Variants in MMP17 observed in about 807,000 individuals in gnomAD.
MMP17 encodes matrix metalloproteinase-17.
In MMP17, 54 loss-of-function variants were observed where a neutral mutation model predicts 49.1. The observed-to-expected ratio is 1.10, with a 90% CI of 0.88 to 1.38. MMP17 has a LOEUF of 1.38. Among genes scored for constraint, MMP17 ranks in the 40% most tolerant of loss-of-function variants. MMP17 has a pLI of 0.00. For missense variants in MMP17, 837 were observed against 853.7 expected (o/e 0.98, Z 0.24); for synonymous variants, 397 against 383.1 (o/e 1.04, Z -0.42).
rs1887715553 is a variant in MMP17, at chr12:131,846,609, AG to A, written c.1204+1162del. 6.6e-6 allele frequency among the ~76,000 whole-genome samples: 1 copy of A among 152,052 alleles called. No individual in the cohort carries two copies. Among genetic ancestry groups the A allele is most frequent in the Non-Finnish European group, 1.5e-5 (1 of 68,014 alleles). Reference sequence around the variant, plus strand: ...AGGCTGGTCTCGAACTCCTGACTTCAGGTGATCCACCCGCCTTGGTGTCCCA... The same window carrying A: ...AGGCTGGTCTCGAACTCCTGACTTCAGTGATCCACCCGCCTTGGTGTCCCA... On this transcript the variant is annotated intron_variant, in intron 8 of 9. Transcript: ENST00000360564. This position sits in a 1 kb window ranked among gnomAD's most constrained non-coding sequence, Gnocchi z 4.6.
rs780582086 is a variant in MMP17, at chr12:131,840,712, G to A, written c.562G>A (p.Asp188Asn). The change falls in exon 4 of 10, where the codon GAC (aspartate) becomes AAC (asparagine). Residue 188 changes from aspartate to asparagine, a missense_variant. Physicochemically the swap from Asp to Asn is conservative, Grantham distance 23. Coordinates refer to ENST00000360564, the MANE Select transcript of MMP17 (RefSeq NM_016155.7). ...GGGCAGCGCCGCCGACATCCAGATC[G>A]ACTTCTCCAAGGCCGACCATAACGA... ...VAGSAADIQI[D>N]FSKADHNDGY... The A allele has an allele frequency of 5.0e-6, 8 of 1,605,178 alleles. No homozygotes were observed. In the East Asian group the frequency reaches 1.1e-4, roughly 22 times the overall value.
At chr12:131,828,929 G>A (rs1347422998) in intron 1 of MMP17, among the ~76,000 whole-genome samples, 2 of 152,212 alleles carry the variant, frequency 1.3e-5, no homozygotes, top group East Asian at 1.9e-4. Context: ...GGAGTTGTGA[G>A]GGGGTCGCCC....
chr12:131,843,910 C>T, intron 5 of MMP17, 87 bp from the exon 6 acceptor site: 1 of 1,002,154 alleles, frequency 1.0e-6, no homozygotes, highest in East Asian at 2.7e-5. Context: ...GCCTCGGTTT[C>T]ATCCCTGGGA....
At chr12:131,842,203 G>A (rs1407342290) in intron 5 of MMP17, among the ~76,000 whole-genome samples, 1 of 152,208 alleles carries the variant, frequency 6.6e-6, no homozygotes, top group South Asian at 2.1e-4. Flanking sequence ...GCCAAGTCAG[G>A]CACCAGGGAC....
intron 6 of MMP17, 178 bp from the exon 7 acceptor site, chr12:131,844,940 G>GTATCATTAAAC: frequency 2.1e-6 from 1 of 478,744 alleles, no homozygotes; most frequent in Non-Finnish European, 3.6e-6. Flanking sequence ...CCCGCCCGCT[G>GTATCATTAAAC]AAGCGGTGGA....
In MMP17 at chr12:131,840,590, G is replaced by A. The variant is rs140002868; in HGVS notation, c.440G>A (p.Arg147Gln). Residue 147 changes from arginine (R) to glutamine (Q), a missense_variant, in exon 4 of 10, where the codon CGG becomes CAG. Transcript: ENST00000360564. ...NLSWRVRTFP[R>Q]DSPLGHDTVR... ...GCCTGCAGGGTCCGGACGTTCCCAC[G>A]GGACTCACCACTGGGGCACGACACG... The A allele has an allele frequency of 1.8e-3, 2,891 of 1,594,606 alleles. 4 individuals are homozygous for A. The highest frequency in any genetic ancestry group is 3.1e-3 in the Admixed American group (185 of 59,676).
At chr12:131,841,470 G>A (rs1426742899) in intron 4 of MMP17, among the ~76,000 whole-genome samples, 154 bp from the exon 5 acceptor site, 4 of 152,130 alleles carry the variant, frequency 2.6e-5, no homozygotes, top group Non-Finnish European at 4.4e-5. Context: ...GGGGAATCGC[G>A]TTAATTCCCA....
intron 6 of MMP17, 24 bp from the exon 7 acceptor site, chr12:131,845,094 G>C: frequency 6.3e-7 from 1 of 1,596,802 alleles, no homozygotes; most frequent in Non-Finnish European, 8.5e-7. Flanking sequence ...CCGCCTCCCA[G>C]CCCACCTGGC....
At chr12:131,847,213 C>G (rs540557149) in intron 8 of MMP17, among the ~76,000 whole-genome samples, 1 of 151,818 alleles carries the variant, frequency 6.6e-6, no homozygotes, top group Admixed American at 6.6e-5. Flanking sequence ...GAAATCGAGA[C>G]CATCCTGGTT....
At chr12:131,832,712 G>A (rs1236563308) in intron 1 of MMP17, among the ~76,000 whole-genome samples, 1 of 152,086 alleles carries the variant, frequency 6.6e-6, no homozygotes, top group Non-Finnish European at 1.5e-5. Context: ...GACGGGGTGT[G>A]GAGCCTGGCT....
At chr12:131,831,471 A>G (rs1282807500) in intron 1 of MMP17, among the ~76,000 whole-genome samples, 1 of 152,020 alleles carries the variant, frequency 6.6e-6, no homozygotes, top group Non-Finnish European at 1.5e-5. Context: ...CCTGGCCCTC[A>G]GGACCTTGTC....
chr12:131,831,274 C>T (rs1293116429), intron 1 of MMP17, among the ~76,000 whole-genome samples: 1 of 152,150 alleles, frequency 6.6e-6, no homozygotes, highest in Non-Finnish European at 1.5e-5. Flanking sequence ...TTTCTCCTCT[C>T]GGCAGCACAG....
chr12:131,845,573 C>A, intron 8 of MMP17, 124 bp downstream of exon 8: 1 of 1,300,886 alleles, frequency 7.7e-7, no homozygotes, highest in Non-Finnish European at 1.0e-6. Flanking sequence ...GAGCACAGAG[C>A]AGCTGGTTTG....
chr12:131,828,457 G>T lies in MMP17; in HGVS notation c.-38G>T. ...CTGCGGAACGCGAAGCGGAGGGCGCGGGACCCTGCACGCCGCCCGCGGGCC... is the reference window on the plus strand; with the variant it reads ...CTGCGGAACGCGAAGCGGAGGGCGCTGGACCCTGCACGCCGCCCGCGGGCC... On this transcript the variant is annotated 5_prime_UTR_variant, in exon 1 of 10. Coordinates refer to ENST00000360564, the MANE Select transcript of MMP17 (RefSeq NM_016155.7). The T allele has an allele frequency of 1.0e-6, 1 of 986,380 alleles. No homozygotes were observed. The highest frequency in any genetic ancestry group is 4.6e-5 in the South Asian group (1 of 21,732). The allele number at this position is 986,380 out of a possible 1,614,324, so 61.1% of individuals were successfully genotyped here.
chr12:131,851,612 A>C lies in MMP17; in HGVS notation c.*338A>C, dbSNP rs912764661. The stretch of plus-strand genomic sequence containing the variant: ...ACCCCTCTCTGTGCCGGCGCCACCA[A>C]CCCCACCCACACTGCTGCCTGGTGC... On this transcript the variant is annotated 3_prime_UTR_variant, in exon 10 of 10. Transcript: ENST00000360564. 3.7e-6 allele frequency: 1 copy of C among 268,200 alleles called. No homozygotes were observed. Among genetic ancestry groups the C allele is most frequent in the Non-Finnish European group, 7.0e-6 (1 of 142,190 alleles). The allele number at this position is 268,200 out of a possible 1,614,324, so 16.6% of individuals were successfully genotyped here.
At chr12:131,837,798 C>T (rs1887155552) in intron 1 of MMP17, among the ~76,000 whole-genome samples, 1 of 152,202 alleles carries the variant, frequency 6.6e-6, no homozygotes, top group African/African-American at 2.4e-5. Context: ...GCAAGCTCCG[C>T]CTCCTGGGTT....
Position 131,828,429 on chromosome 12 carries a change from G to T in MMP17, c.-66G>T. On this transcript the variant is annotated 5_prime_UTR_variant, in exon 1 of 10. Transcript: ENST00000360564. ...GGCGCCGCGGAGAGCGGAGGGCGCC[G>T]GGCTGCGGAACGCGAAGCGGAGGGC... The T allele has an allele frequency of 2.2e-6, 2 of 916,184 alleles. No individual in the cohort carries two copies. Among genetic ancestry groups the T allele is most frequent in the South Asian group, 5.0e-5 (1 of 20,088 alleles). The allele number at this position is 916,184 out of a possible 1,614,324, so 56.8% of individuals were successfully genotyped here.
At position 131,841,663 on chromosome 12, in the gene MMP17, A is replaced by G; in HGVS notation, c.746A>G (p.Glu249Gly). Residue 249 changes from glutamate (E) to glycine (G), a missense_variant, in exon 5 of 10, where the codon GAG becomes GGG. Physicochemically the swap from Glu to Gly is moderately conservative, Grantham distance 98. Transcript: ENST00000360564. ...GMDLFAVAVH[E>G]FGHAIGLSHV... ...GACCTGTTTGCAGTGGCTGTCCACG[A>G]GTTTGGCCACGCCATTGGGTTAAGC... 1 of 1,613,980 alleles carries G rather than the reference A, an allele frequency of 6.2e-7. No individual in the cohort carries two copies.
At chr12:131,842,901 G>A (rs532226005) in intron 5 of MMP17, among the ~76,000 whole-genome samples, 1 of 152,230 alleles carries the variant, frequency 6.6e-6, no homozygotes, top group South Asian at 2.1e-4. Flanking sequence ...ACCACCGAAG[G>A]AGACCCGACG....
Sources: allele counts gnomAD v4.1 joint callset (sites outside exome capture counted in the v4.1 genomes callset), GRCh38; gene constraint gnomAD v4.1.1; non-coding constraint Gnocchi (gnomAD v3.1); transcripts MANE v1.5; gene names NCBI Gene and HGNC (gene_info 2026-07-23, HGNC 2026-07-21).